Variants in SHROOM4 observed in about 807,000 individuals in gnomAD.
The protein encoded by SHROOM4 is protein Shroom4.
Under a neutral mutation model 80.3 loss-of-function variants are expected in SHROOM4, and 17 were observed. The ratio of observed to expected loss-of-function variants is 0.21; its 90% CI spans 0.14 to 0.32. The LOEUF (loss-of-function observed/expected upper bound fraction) is 0.32, where lower values mean the gene tolerates loss of function less well. SHROOM4 is among the 10% of genes least tolerant of loss of function. The pLI, the probability that SHROOM4 is intolerant of heterozygous loss-of-function variation, is 1.00. For synonymous variants in SHROOM4, 400 were observed against 437.5 expected (o/e 0.91, Z 1.07); for missense variants, 993 against 1,140.3 (o/e 0.87, Z 1.86).
chrX:50,773,306 A>G (rs1173924559), intron 1 of SHROOM4, among the ~76,000 whole-genome samples: 1 of 112,389 alleles, frequency 8.9e-6, no homozygotes, highest in Non-Finnish European at 1.9e-5. Flanking sequence ...CCTACCTAAT[A>G]TGAAATCAAA....
chrX:50,608,674 G>GT (rs1467584497), intron 5 of SHROOM4, among the ~76,000 whole-genome samples: 1 of 111,944 alleles, frequency 8.9e-6, no homozygotes, highest in Admixed American at 9.5e-5. Flanking sequence ...GTTTTTGTTT[G>GT]TTTTTCATTA....
At chrX:50,648,193 G>C (rs1557258183) in intron 2 of SHROOM4, among the ~76,000 whole-genome samples, 1 of 111,672 alleles carries the variant, frequency 9.0e-6, no homozygotes, top group East Asian at 2.8e-4. Context: ...GTTGGGACAA[G>C]AACAAGAGAT....
At chrX:50,810,899 T>C (rs1251058243) in intron 1 of SHROOM4, among the ~76,000 whole-genome samples, 4 of 111,783 alleles carry the variant, frequency 3.6e-5, no homozygotes, top group Non-Finnish European at 7.5e-5. Context: ...AAGAGAGTAA[T>C]GAAATAAAGG....
chrX:50,636,977 C>T (rs1931383917), intron 3 of SHROOM4, among the ~76,000 whole-genome samples: 1 of 111,530 alleles, frequency 9.0e-6, no homozygotes, highest in Non-Finnish European at 1.9e-5. Context: ...ATGGCAGCTG[C>T]TACTCTCTTG....
At chrX:50,666,908 T>A (rs1271849234) in intron 2 of SHROOM4, among the ~76,000 whole-genome samples, 2 of 111,669 alleles carry the variant, frequency 1.8e-5, no homozygotes, top group Admixed American at 9.5e-5. Flanking sequence ...AAGGCATTCA[T>A]TAACTTTATA....
chrX:50,670,099 CT>C lies in SHROOM4; in HGVS notation c.269+25686del, dbSNP rs782591667. ...AGCTATAGCCTTACAAAATGCATTT[CT>C]TTTTTTTTCTTTTTTTATTATTATT... On this transcript the variant is annotated intron_variant, in intron 2 of 8. Transcript: ENST00000376020. Among the ~76,000 whole-genome samples the C allele has an allele frequency of 5.5e-5, 6 of 109,876 alleles. No individual in the cohort carries two copies. The South Asian group carries it at 1.2e-3, about 22-fold the overall frequency.
At chrX:50,619,294 A>G (rs1168085172) in intron 5 of SHROOM4, among the ~76,000 whole-genome samples, 1 of 111,299 alleles carries the variant, frequency 9.0e-6, no homozygotes, top group Non-Finnish European at 1.9e-5. Flanking sequence ...GGCATTCTAG[A>G]ATCTCAGTAG....
chrX:50,637,035 AT>A (rs1557256246), intron 3 of SHROOM4, among the ~76,000 whole-genome samples: 1 of 111,346 alleles, frequency 9.0e-6, no homozygotes, highest in Non-Finnish European at 1.9e-5. Flanking sequence ...AGTATTGATA[AT>A]ATAGGGGCCT....
At chrX:50,628,294 T>C (rs1930895036) in intron 4 of SHROOM4, among the ~76,000 whole-genome samples, 1 of 111,033 alleles carries the variant, frequency 9.0e-6, no homozygotes, top group Non-Finnish European at 1.9e-5. Flanking sequence ...CCACAGTCCC[T>C]ACATTACAGG....
chrX:50,645,354 C>T (rs1557257765), intron 2 of SHROOM4, among the ~76,000 whole-genome samples: 1 of 112,195 alleles, frequency 8.9e-6, no homozygotes, highest in African/African-American at 3.2e-5. Context: ...ATGTCTTTCT[C>T]CTTTTGCTCA....
At chrX:50,749,912 C>G (rs1172301617) in intron 1 of SHROOM4, among the ~76,000 whole-genome samples, 1 of 111,558 alleles carries the variant, frequency 9.0e-6, no homozygotes, top group Admixed American at 9.5e-5. Context: ...CACTAGAAAT[C>G]TGGTTTTTAG....
intron 1 of SHROOM4, among the ~76,000 whole-genome samples, chrX:50,724,877 G>A (rs1238720448): frequency 8.9e-6 from 1 of 111,829 alleles, no homozygotes; most frequent in African/African-American, 3.3e-5. Flanking sequence ...TATGTCTTTG[G>A]TATTGTATAT....
At chrX:50,619,114 T>C (rs782688809) in intron 5 of SHROOM4, among the ~76,000 whole-genome samples, 1 of 112,400 alleles carries the variant, frequency 8.9e-6, no homozygotes, top group African/African-American at 3.2e-5. Flanking sequence ...TGCCTTTTCT[T>C]CTGAAGAACG....
intron 1 of SHROOM4, among the ~76,000 whole-genome samples, chrX:50,751,607 T>C (rs782657699): frequency 8.9e-6 from 1 of 111,991 alleles, no homozygotes; most frequent in Non-Finnish European, 1.9e-5. Flanking sequence ...CTATCCATCA[T>C]GACACTGACC....
Position 50,627,634 on chromosome X carries a change from C to G in SHROOM4, c.2937G>C (p.Arg979Ser), listed in dbSNP as rs1057025205. The G allele has an allele frequency of 2.9e-5, 35 of 1,209,005 alleles. No individual in the cohort carries two copies. Among genetic ancestry groups the G allele is most frequent in the Non-Finnish European group, 3.7e-5 (33 of 894,516 alleles). ...CTTACCTCCCTGACTGGCTGGTCTTCCTGTTTCCTGTTATTGGATTCCATT... is the reference window on the plus strand; with the variant it reads ...CTTACCTCCCTGACTGGCTGGTCTTGCTGTTTCCTGTTATTGGATTCCATT... The part of the protein sequence containing the change: ...GDKWNPITGN[R>S]KTSQSGREMA... Residue 979 changes from arginine (R) to serine (S), a missense_variant, in exon 5 of 9, where the codon AGG becomes AGC. Coordinates refer to ENST00000376020, the MANE Select transcript of SHROOM4 (RefSeq NM_020717.5).
rs1232124336 is a variant in SHROOM4, at chrX:50,590,946, A to T, written c.*5749T>A. 9.0e-6 allele frequency among the ~76,000 whole-genome samples: 1 copy of T among 111,439 alleles called. No homozygotes were observed. Among genetic ancestry groups the T allele is most frequent in the Non-Finnish European group, 1.9e-5 (1 of 53,028 alleles). On this transcript the variant is annotated 3_prime_UTR_variant, in exon 9 of 9. Transcript: ENST00000376020. ...TTTAGCACAAAAGTTTTTAATTTTG[A>T]TTTACTCCAATTTATTTCTATTTCT...
At chrX:50,722,673 A>C (rs1269965379) in intron 1 of SHROOM4, among the ~76,000 whole-genome samples, 1 of 109,787 alleles carries the variant, frequency 9.1e-6, no homozygotes, top group African/African-American at 3.3e-5. Context: ...TCTCTCCATG[A>C]ATTTCTGAAA....
chrX:50,630,143 T>A (rs1930985894), intron 4 of SHROOM4, among the ~76,000 whole-genome samples: 1 of 111,081 alleles, frequency 9.0e-6, no homozygotes, highest in Admixed American at 9.6e-5. Flanking sequence ...CTGCTGCCAA[T>A]TGCTGCAACC....
At chrX:50,740,294 C>G (rs933771329) in intron 1 of SHROOM4, among the ~76,000 whole-genome samples, 1 of 109,194 alleles carries the variant, frequency 9.2e-6, no homozygotes, top group Admixed American at 9.8e-5. Context: ...CAAACCTGCA[C>G]GTTGTGCACA....
Sources: gnomAD v4.1 joint callset for allele counts (sites outside exome capture counted in the v4.1 genomes callset) on GRCh38, gnomAD v4.1.1 for gene constraint, MANE v1.5 for transcripts, NCBI Gene and HGNC (gene_info 2026-07-23, HGNC 2026-07-21) for gene names.